Variants in PATJ observed in about 807,000 individuals in gnomAD.
The protein encoded by PATJ is inaD-like protein.
Under a neutral mutation model 224.9 loss-of-function variants are expected in PATJ, and 190 were observed. The observed-to-expected ratio is 0.84, with a 90% CI of 0.75 to 0.95. The LOEUF is 0.95. Ranked by LOEUF, PATJ falls within the 40% of genes least tolerant of loss-of-function variation. PATJ has a pLI of 0.00. For missense variants in PATJ, 2,121 were observed against 2,270.3 expected, an observed-to-expected ratio of 0.93 and a Z score of 1.34; for synonymous variants, 769 against 820.3, an observed-to-expected ratio of 0.94 and a Z score of 1.07.
intron 31 of PATJ, among the ~76,000 whole-genome samples, chr1:62,058,081 T>C (rs1318267225): frequency 6.6e-6 from 1 of 152,242 alleles, no homozygotes; most frequent in African/African-American, 2.4e-5. Flanking sequence ...TTGTGAAATA[T>C]AATTTCTGAC....
At chr1:62,142,632 T>C (rs1667617683) in intron 41 of PATJ, among the ~76,000 whole-genome samples, 1 of 152,198 alleles carries the variant, frequency 6.6e-6, no homozygotes, top group Admixed American at 6.5e-5. Flanking sequence ...TGCACATAGA[T>C]GCTAATCACC....
Position 62,128,105 on chromosome 1 carries a change from G to A in PATJ, c.5166+11G>A, listed in dbSNP as rs746106992. 6.2e-7 allele frequency: 1 copy of A among 1,613,958 alleles called. No individual in the cohort carries two copies. Among genetic ancestry groups the A allele is most frequent in the South Asian group, 1.1e-5 (1 of 91,020 alleles). ...ACACAGAAGCTTAAAGTAAACGAGA[G>A]AACTGGTTGAAAGACTAACAATATG... On this transcript the variant is annotated intron_variant, in intron 40 of 43. Coordinates refer to ENST00000642238, the MANE Select transcript of PATJ (RefSeq NM_001350145.3).
intron 27 of PATJ, among the ~76,000 whole-genome samples, chr1:61,977,243 A>G (rs1386479242): frequency 6.6e-6 from 1 of 151,916 alleles, no homozygotes; most frequent in Non-Finnish European, 1.5e-5. Context: ...GTGTGCCACC[A>G]CACCCAGCTA....
Position 61,791,380 on chromosome 1 carries a change from G to A in PATJ, c.1101G>A (p.Glu367=), listed in dbSNP as rs1382845252. 1 of 1,612,110 alleles carries A rather than the reference G, an allele frequency of 6.2e-7. No homozygotes were observed. The highest frequency in any genetic ancestry group is 1.1e-5 in the South Asian group (1 of 90,996). ...CTCTTTTTGAAACTTATAATGTTGA[G>A]CTTGTGAGAAAAGATGGGCAGAGTC... The part of the protein sequence containing the change: ...DSSLFETYNV[E]LVRKDGQSLG... The change falls in exon 9 of 44, where the codon GAG becomes GAA. Residue 367 remains glutamate, a synonymous_variant. Coordinates refer to ENST00000642238, the MANE Select transcript of PATJ (RefSeq NM_001350145.3).
chr1:61,914,404 A>T (rs957853248), intron 25 of PATJ, among the ~76,000 whole-genome samples, 183 bp from the exon 26 acceptor site: 2 of 152,146 alleles, frequency 1.3e-5, no homozygotes, highest in Non-Finnish European at 2.9e-5. Context: ...TACAGTGAGC[A>T]GAGATTGTGC....
chr1:61,855,419 G>A (rs1224467093), intron 17 of PATJ, among the ~76,000 whole-genome samples: 2 of 151,892 alleles, frequency 1.3e-5, no homozygotes, highest in Non-Finnish European at 2.9e-5. Context: ...TTTATTTTTT[G>A]GGACAGGGTC....
intron 39 of PATJ, among the ~76,000 whole-genome samples, chr1:62,123,541 G>A (rs1048497948): frequency 3.0e-5 from 4 of 131,824 alleles, no homozygotes; most frequent in African/African-American, 1.1e-4. Context: ...GCACTGGTGC[G>A]ATCTCGGCTC....
At chr1:61,869,129 C>G (rs192228360) in intron 20 of PATJ, among the ~76,000 whole-genome samples, 10 of 129,438 alleles carry the variant, frequency 7.7e-5, no homozygotes, top group African/African-American at 2.4e-4. Context: ...TTTTTTGAGA[C>G]GGAGTCTCGC....
At chr1:61,818,568 T>G (rs994723853) in intron 14 of PATJ, among the ~76,000 whole-genome samples, 3 of 152,234 alleles carry the variant, frequency 2.0e-5, no homozygotes, top group African/African-American at 7.2e-5. Context: ...CAATGTAACA[T>G]GAAATCTTAG....
At chr1:62,082,241 C>G (rs1238782562) in intron 32 of PATJ, among the ~76,000 whole-genome samples, 1 of 152,136 alleles carries the variant, frequency 6.6e-6, no homozygotes, top group Non-Finnish European at 1.5e-5. Context: ...AACCAGGAGG[C>G]CTTTAGATTA....
intron 27 of PATJ, among the ~76,000 whole-genome samples, chr1:61,946,075 C>T (rs917118493): frequency 1.1e-4 from 16 of 152,104 alleles, no homozygotes; most frequent in Admixed American, 5.2e-4. Context: ...CAGTGTGTAG[C>T]GGGAAATTTA....
At chr1:61,859,371 G>A (rs1307480262) in intron 18 of PATJ, among the ~76,000 whole-genome samples, 1 of 152,056 alleles carries the variant, frequency 6.6e-6, no homozygotes, top group Non-Finnish European at 1.5e-5. Flanking sequence ...ACTTAGGAGT[G>A]GGAGGCCAAT....
intron 33 of PATJ, among the ~76,000 whole-genome samples, chr1:62,101,245 GTTTCT>G (rs1175843282): frequency 4.4e-4 from 65 of 146,442 alleles, no homozygotes; most frequent in African/African-American, 1.3e-3. Context: ...TAACACAGTA[GTTTCT>G]TTTCTTTTCT....
chr1:61,825,120 A>C (rs555819799), intron 15 of PATJ, among the ~76,000 whole-genome samples: 2 of 152,192 alleles, frequency 1.3e-5, no homozygotes, highest in African/African-American at 2.4e-5. Context: ...CCACTTCACT[A>C]TGTGCTTGTA....
At chr1:62,138,821 A>G (rs936611558) in intron 41 of PATJ, among the ~76,000 whole-genome samples, 4 of 152,354 alleles carry the variant, frequency 2.6e-5, no homozygotes, top group Middle Eastern at 3.4e-3. Flanking sequence ...TCCAAACACT[A>G]CAGCTCTGAA....
intron 31 of PATJ, chr1:62,072,996 A>G (rs982205531): frequency 1.0e-6 from 1 of 979,956 alleles, no homozygotes; most frequent in Non-Finnish European, 1.2e-6. Context: ...AATGCTGCTA[A>G]TTGGTTGTGT....
chr1:61,993,913 A>G (rs1211591852), intron 28 of PATJ, among the ~76,000 whole-genome samples: 2 of 152,178 alleles, frequency 1.3e-5, no homozygotes, highest in South Asian at 2.1e-4. Context: ...GACTCCTCCT[A>G]TGCTTTCCTT....
intron 1 of PATJ, among the ~76,000 whole-genome samples, chr1:61,744,206 C>T (rs1211161462): frequency 7.2e-6 from 1 of 137,972 alleles, no homozygotes; most frequent in Non-Finnish European, 1.5e-5. Flanking sequence ...ATTGCTTGAG[C>T]CCAGGAGATG....
At chr1:62,034,955 C>A (rs1487778970) in intron 29 of PATJ, among the ~76,000 whole-genome samples, 1 of 152,118 alleles carries the variant, frequency 6.6e-6, no homozygotes, top group African/African-American at 2.4e-5. Flanking sequence ...TATGAAAAGT[C>A]ACCTATTTAA....
Sources: gnomAD v4.1 joint callset for allele counts (sites outside exome capture counted in the v4.1 genomes callset) on GRCh38, gnomAD v4.1.1 for gene constraint, MANE v1.5 for transcripts, NCBI Gene and HGNC (gene_info 2026-07-23, HGNC 2026-07-21) for gene names.